The following ZNF618 variants were observed in gnomAD, a reference collection of about 807,000 sequenced individuals.
ZNF618 encodes the protein zinc finger protein 618, also known as neural precursor cell expressed, developmentally down-regulated 10.
A neutral mutation model predicts 103.0 loss-of-function variants in ZNF618; 34 were observed. The observed-to-expected ratio is 0.33, with a 90% CI of 0.25 to 0.44. The LOEUF is 0.44. Ranked by LOEUF, ZNF618 falls within the 20% of genes least tolerant of loss-of-function variation. ZNF618 has a pLI of 1.00. For missense variants in ZNF618, 1,059 were observed against 1,295.4 expected (o/e 0.82, Z 2.80); for synonymous variants, 551 against 542.2 (o/e 1.02, Z -0.23).
intron 1 of ZNF618, among the ~76,000 whole-genome samples, chr9:113,901,985 T>A (rs1830598453): frequency 6.6e-6 from 1 of 152,166 alleles, no homozygotes; most frequent in Non-Finnish European, 1.5e-5. Flanking sequence ...TTTTTGCATC[T>A]GCATAAAGGG....
intron 1 of ZNF618, among the ~76,000 whole-genome samples, chr9:113,876,775 C>T (rs77417279): frequency 0.046 from 6,837 of 150,198 alleles, 549 homozygotes; most frequent in African/African-American, 0.16. Context: ...CCCCTCCCCC[C>T]CAAATTTGCA....
At chr9:113,993,736 A>T (rs1483602936) in intron 3 of ZNF618, among the ~76,000 whole-genome samples, 4 of 152,154 alleles carry the variant, frequency 2.6e-5, no homozygotes, top group Non-Finnish European at 5.9e-5. Context: ...TCTTCAGATG[A>T]GGGACAGGGA....
At chr9:113,895,778 A>G (rs1829985664) in intron 1 of ZNF618, among the ~76,000 whole-genome samples, 1 of 152,084 alleles carries the variant, frequency 6.6e-6, no homozygotes. Flanking sequence ...AATGATTTAT[A>G]TTGCACGGGA....
At chr9:113,920,181 C>T (rs1832510220) in intron 1 of ZNF618, among the ~76,000 whole-genome samples, 1 of 152,154 alleles carries the variant, frequency 6.6e-6, no homozygotes, top group Non-Finnish European at 1.5e-5. Flanking sequence ...CTCATTCAGC[C>T]AGTTGCCATG....
intron 1 of ZNF618, among the ~76,000 whole-genome samples, chr9:113,963,260 A>C (rs1224690278): frequency 6.6e-6 from 1 of 152,240 alleles, no homozygotes; most frequent in African/African-American, 2.4e-5. Context: ...TGCCGAGGTC[A>C]CATATCTTCC....
intron 10 of ZNF618, among the ~76,000 whole-genome samples, chr9:114,024,447 C>T (rs960722109): frequency 2.0e-5 from 3 of 152,188 alleles, no homozygotes; most frequent in African/African-American, 4.8e-5. Context: ...GTGTTGTTGA[C>T]TTGATTTTGT....
At chr9:114,030,860 TG>T (rs1843958854) in intron 11 of ZNF618, 1 of 152,108 alleles carries the variant, frequency 6.6e-6, no homozygotes, top group South Asian at 2.1e-4. Flanking sequence ...AGCTGAGCAG[TG>T]TAAGAGTTTG....
intron 13 of ZNF618, among the ~76,000 whole-genome samples, chr9:114,044,624 T>C (rs1480623409): frequency 6.6e-6 from 1 of 152,156 alleles, no homozygotes; most frequent in Non-Finnish European, 1.5e-5. Flanking sequence ...TTGTAGATGC[T>C]GTTGGCAGTA....
At chr9:113,980,573 GATAA>G (rs1838882323) in intron 2 of ZNF618, among the ~76,000 whole-genome samples, 1 of 152,132 alleles carries the variant, frequency 6.6e-6, no homozygotes, top group Non-Finnish European at 1.5e-5. Flanking sequence ...AATTAAAAAA[GATAA>G]ATAAGAAATA....
intron 3 of ZNF618, among the ~76,000 whole-genome samples, 191 bp from the exon 4 acceptor site, chr9:113,998,068 T>C (rs552429870): frequency 1.4e-4 from 22 of 152,360 alleles, no homozygotes; most frequent in African/African-American, 5.0e-4. Flanking sequence ...CCATGGCTGC[T>C]GTATTCTGCC....
chr9:113,918,240 C>T (rs1015189782), intron 1 of ZNF618, among the ~76,000 whole-genome samples: 10 of 152,116 alleles, frequency 6.6e-5, no homozygotes, highest in African/African-American at 1.2e-4. Flanking sequence ...TGTATGACAT[C>T]GGGGACCTAG....
At chr9:113,910,351 T>C (rs1009692989) in intron 1 of ZNF618, among the ~76,000 whole-genome samples, 2 of 152,154 alleles carry the variant, frequency 1.3e-5, no homozygotes, top group African/African-American at 4.8e-5. Flanking sequence ...TGGTTCCTGC[T>C]CTTCACTCTG....
chr9:113,945,484 G>T (rs1434844159), intron 1 of ZNF618, among the ~76,000 whole-genome samples: 1 of 152,206 alleles, frequency 6.6e-6, no homozygotes, highest in Non-Finnish European at 1.5e-5. Context: ...TGACTGCTTT[G>T]TTCACTCGTT....
intron 1 of ZNF618, among the ~76,000 whole-genome samples, chr9:113,937,254 C>T (rs1834110080): frequency 6.6e-6 from 1 of 152,186 alleles, no homozygotes; most frequent in African/African-American, 2.4e-5. Flanking sequence ...CTCTCTCCTC[C>T]TCTTTCCCCC....
intron 2 of ZNF618, among the ~76,000 whole-genome samples, chr9:113,984,589 A>T (rs1839282873): frequency 6.6e-6 from 1 of 152,118 alleles, no homozygotes; most frequent in Non-Finnish European, 1.5e-5. Flanking sequence ...GCAGGAAGGG[A>T]CACTGAATCT....
chr9:114,021,262 T>C (rs1843045699), intron 10 of ZNF618, among the ~76,000 whole-genome samples: 1 of 152,172 alleles, frequency 6.6e-6, no homozygotes, highest in Admixed American at 6.5e-5. Context: ...ATTTAAGTTG[T>C]ATAACTTGAT....
intron 7 of ZNF618, among the ~76,000 whole-genome samples, chr9:114,008,059 A>G (rs913263322): frequency 6.6e-6 from 1 of 152,154 alleles, no homozygotes; most frequent in African/African-American, 2.4e-5. Context: ...CATGATGGCA[A>G]TCAGAAACAG....
intron 9 of ZNF618, among the ~76,000 whole-genome samples, chr9:114,012,022 TAAAA>T (rs372244026): frequency 1.4e-5 from 2 of 138,268 alleles, no homozygotes; most frequent in African/African-American, 2.7e-5. Context: ...CTTGAATAGT[TAAAA>T]AAAAAAAAAA....
intron 5 of ZNF618, 76 bp downstream of exon 5, chr9:114,002,149 C>T (rs1841288739): frequency 1.2e-5 from 16 of 1,350,100 alleles, no homozygotes; most frequent in African/African-American, 4.3e-5. Context: ...TTGGGCCCCT[C>T]GTGGGTGACC....
Sources: allele counts gnomAD v4.1 joint callset (sites outside exome capture counted in the v4.1 genomes callset), GRCh38; gene constraint gnomAD v4.1.1; transcripts MANE v1.5; gene names NCBI Gene and HGNC (gene_info 2026-07-23, HGNC 2026-07-21).